LAPTM5: variants seen among roughly 807,000 people sequenced by gnomAD.
LAPTM5 encodes lysosomal-associated transmembrane protein 5.
Under a neutral mutation model 30.1 loss-of-function variants are expected in LAPTM5, and 11 were observed. That is an observed-to-expected ratio of 0.37 (90% CI 0.23 to 0.60). LAPTM5 has a LOEUF of 0.60. LAPTM5 is among the 20% of genes least tolerant of loss of function. The probability of loss-of-function intolerance (pLI) is 0.71; values close to 1 mark genes in which losing one functional copy is unlikely to be tolerated. For synonymous variants in LAPTM5, 151 were observed against 137.9 expected (o/e 1.10, Z -0.67); for missense variants, 324 against 332.5 (o/e 0.97, Z 0.20).
chr1:30,740,305 G>T (rs1006588289), intron 3 of LAPTM5, among the ~76,000 whole-genome samples: 4 of 152,126 alleles, frequency 2.6e-5, no homozygotes, highest in Non-Finnish European at 5.9e-5. Flanking sequence ...GGCTAGATCG[G>T]GGAAGGAGAC....
chr1:30,742,779 C>T (rs1223682813), intron 1 of LAPTM5, among the ~76,000 whole-genome samples: 2 of 152,316 alleles, frequency 1.3e-5, no homozygotes, highest in South Asian at 2.1e-4. Context: ...GGGCAAGCTA[C>T]TTGACTTCTA....
rs1569865347 is a variant in LAPTM5 at position 30,746,228 on chromosome 1, A to G, written c.88-3679T>C. ...CTCATTTTCCCCTGGGGCCATTGGG[A>G]TGACAGAACGCAGGAGGGTCAGTGG... On this transcript the variant is annotated intron_variant, in intron 1 of 7. Transcript: ENST00000294507. The surrounding 1 kb of genome is among the most constrained non-coding windows in gnomAD (Gnocchi z 4.0). The G allele has an allele frequency of 6.6e-6, 1 of 152,184 alleles. No homozygotes were observed. The highest frequency in any genetic ancestry group is 2.1e-4 in the South Asian group (1 of 4,836). The allele number at this position is 152,184 out of a possible 1,614,324, so 9.4% of individuals were successfully genotyped here.
chr1:30,736,597 C>CTT (rs201831542), intron 6 of LAPTM5, among the ~76,000 whole-genome samples: 2 of 146,470 alleles, frequency 1.4e-5, no homozygotes, highest in African/African-American at 5.0e-5. Context: ...CCACATCCAA[C>CTT]TTTTTTTTTT....
In LAPTM5 at chr1:30,739,382, C is replaced by T. The variant is rs1445380839; in HGVS notation, c.388-320G>A. 7 of 282,582 alleles carry T rather than the reference C, an allele frequency of 2.5e-5. No homozygotes were observed. The highest frequency in any genetic ancestry group is 4.7e-5 in the Non-Finnish European group (7 of 147,806). 17.5% of individuals were successfully genotyped at this position (282,582 alleles called of 1,614,324 possible). On this transcript the variant is annotated intron_variant, in intron 4 of 7. Transcript: ENST00000294507. This position sits in a 1 kb window ranked among gnomAD's most constrained non-coding sequence, Gnocchi z 4.2. ...GACTGTGTCCTTGACTGGCAGCAGC[C>T]CTCAAGCCACCCCACAGTGGGCGCT... is the stretch of plus-strand genomic sequence containing the variant.
chr1:30,754,631 A>G (rs189563058), intron 1 of LAPTM5, among the ~76,000 whole-genome samples: 1 of 152,362 alleles, frequency 6.6e-6, no homozygotes, highest in African/African-American at 2.4e-5. Context: ...AAAAAGAAAG[A>G]AAGTTTGCTG....
At chr1:30,734,547 C>T (rs558058802) in intron 7 of LAPTM5, among the ~76,000 whole-genome samples, 1 of 152,354 alleles carries the variant, frequency 6.6e-6, no homozygotes, top group South Asian at 2.1e-4. Context: ...CTGCTAAGTT[C>T]TGTGAGCTAG....
chr1:30,737,654 T>C lies in LAPTM5; in HGVS notation c.556A>G (p.Lys186Glu). The C allele has an allele frequency of 6.2e-7, 1 of 1,613,854 alleles. No homozygotes were observed. Among genetic ancestry groups the C allele is most frequent in the Non-Finnish European group, 8.5e-7 (1 of 1,179,866 alleles). The change falls in exon 6 of 8, where the codon AAG becomes GAG. Residue 186 changes from lysine (K) to glutamate (E), a missense_variant. Transcript: ENST00000294507. Reference sequence around the variant, plus strand: ...GCGATGGAAAAGATGATCATCATCTTGATGAACTGGTTATGAGGCATATCC... The same window carrying C: ...GCGATGGAAAAGATGATCATCATCTCGATGAACTGGTTATGAGGCATATCC... ...QEDMPHNQFIKMMIIFSIAFI... is the reference protein window; with the variant it reads ...QEDMPHNQFIEMMIIFSIAFI...
intron 1 of LAPTM5, among the ~76,000 whole-genome samples, chr1:30,752,672 C>G (rs897036862): frequency 6.6e-6 from 1 of 152,246 alleles, no homozygotes; most frequent in African/African-American, 2.4e-5. Flanking sequence ...TCGGTTTTTC[C>G]TTGGCAGACT....
intron 1 of LAPTM5, among the ~76,000 whole-genome samples, chr1:30,752,727 C>T (rs1183030580): frequency 3.3e-5 from 5 of 152,248 alleles, no homozygotes; most frequent in African/African-American, 7.2e-5. Context: ...GGCTGTATCC[C>T]GGCCTGGGGC....
At chr1:30,748,384 C>T (rs2124193119) in intron 1 of LAPTM5, among the ~76,000 whole-genome samples, 1 of 152,256 alleles carries the variant, frequency 6.6e-6, no homozygotes, top group South Asian at 2.1e-4. Flanking sequence ...CAGGGCTGCT[C>T]CACCCTGACC....
Position 30,739,191 on chromosome 1 carries a change from G to C in LAPTM5, c.388-129C>G. On this transcript the variant is annotated intron_variant, in intron 4 of 7. Transcript: ENST00000294507. This position sits in a 1 kb window ranked among gnomAD's most constrained non-coding sequence, Gnocchi z 4.2. ...CAGACATCAGTGACTCTCGTCCCCT[G>C]TGCACAGAGAGACATGAACACACAG... The C allele has an allele frequency of 8.3e-7, 1 of 1,202,314 alleles. No homozygotes were observed. The highest frequency in any genetic ancestry group is 1.2e-6 in the Non-Finnish European group (1 of 869,396). 74.5% of individuals were successfully genotyped at this position (1,202,314 alleles called of 1,614,324 possible). A position where few individuals can be genotyped will look rare whatever the true frequency, so the allele number is the denominator to read the frequency against.
At chr1:30,747,917 T>C (rs1035949052) in intron 1 of LAPTM5, among the ~76,000 whole-genome samples, 2 of 152,018 alleles carry the variant, frequency 1.3e-5, no homozygotes, top group Non-Finnish European at 1.5e-5. Context: ...GTTGGTGATG[T>C]TGGTGACAGT....
chr1:30,734,823 G>T (rs1639862843), intron 7 of LAPTM5, among the ~76,000 whole-genome samples: 1 of 152,180 alleles, frequency 6.6e-6, no homozygotes, highest in Admixed American at 6.5e-5. Context: ...CCTGAGAAGA[G>T]GCCAGGTCCT....
At chr1:30,740,188 C>T (rs866906112) in intron 3 of LAPTM5, among the ~76,000 whole-genome samples, 1 of 152,156 alleles carries the variant, frequency 6.6e-6, no homozygotes, top group Non-Finnish European at 1.5e-5. Flanking sequence ...GCTCAAAGAG[C>T]AGGATTTGAC....
At chr1:30,753,795 A>G (rs555110279) in intron 1 of LAPTM5, among the ~76,000 whole-genome samples, 2 of 152,344 alleles carry the variant, frequency 1.3e-5, no homozygotes, top group East Asian at 1.9e-4. Flanking sequence ...TCATTCACCC[A>G]TTGCAACAAA....
rs1639847350 is a variant in LAPTM5 at position 30,733,727 on chromosome 1, G to A, written c.*101C>T. On this transcript the variant is annotated 3_prime_UTR_variant, in exon 8 of 8. Coordinates refer to ENST00000294507, the MANE Select transcript of LAPTM5 (RefSeq NM_006762.3). ...CAAGCAGATTGTCCTGCCAGGGAGG[G>A]GCGGGAGGGCCCACCCAGGCCACAG... 5.2e-6 allele frequency: 8 copies of A among 1,532,362 alleles called. No individual in the cohort carries two copies. The African/African-American group carries it at 6.9e-5, about 13-fold the overall frequency. 94.9% of individuals were successfully genotyped at this position (1,532,362 alleles called of 1,614,324 possible). A position where few individuals can be genotyped will look rare whatever the true frequency, so the allele number is the denominator to read the frequency against.
intron 1 of LAPTM5, among the ~76,000 whole-genome samples, chr1:30,748,263 C>T (rs1640077755): frequency 6.6e-6 from 1 of 152,140 alleles, no homozygotes. Context: ...GAGCCCAGGA[C>T]AGAGGCTGCA....
At chr1:30,745,732 C>T (rs962729814) in intron 1 of LAPTM5, among the ~76,000 whole-genome samples, 1 of 152,208 alleles carries the variant, frequency 6.6e-6, no homozygotes, top group African/African-American at 2.4e-5. Flanking sequence ...GGAGGAAGCT[C>T]GGCTCTCCAG....
chr1:30,744,489 A>G (rs551528295), intron 1 of LAPTM5, among the ~76,000 whole-genome samples: 1 of 152,176 alleles, frequency 6.6e-6, no homozygotes, highest in South Asian at 2.1e-4. Context: ...GGGCTTAGAG[A>G]AGGACCATGA....
Sources: gnomAD v4.1 joint callset for allele counts (sites outside exome capture counted in the v4.1 genomes callset) on GRCh38, gnomAD v4.1.1 for gene constraint, Gnocchi (gnomAD v3.1) non-coding constraint, MANE v1.5 for transcripts, NCBI Gene and HGNC (gene_info 2026-07-23, HGNC 2026-07-21) for gene names.